The following TTC28 variants were observed in gnomAD, a reference collection of about 807,000 sequenced individuals.
TTC28 encodes the protein tetratricopeptide repeat domain 28, also known as tetratricopeptide repeat protein 28.
In TTC28, 61 loss-of-function variants were observed where a neutral mutation model predicts 198.0. The ratio of observed to expected loss-of-function variants is 0.31; its 90% CI spans 0.25 to 0.38. TTC28 has a LOEUF of 0.38. Ranked by LOEUF, TTC28 falls within the 10% of genes least tolerant of loss-of-function variation. The pLI, the probability that TTC28 is intolerant of heterozygous loss-of-function variation, is 1.00. For synonymous variants in TTC28, 1,171 were observed against 1,297.8 expected (o/e 0.90, Z 2.10); for missense variants, 2,678 against 3,164.0 (o/e 0.85, Z 3.69).
chr22:28,052,698 C>T (rs1282612574), intron 12 of TTC28, among the ~76,000 whole-genome samples: 2 of 152,114 alleles, frequency 1.3e-5, no homozygotes, highest in South Asian at 2.1e-4. Flanking sequence ...AATAATGTCT[C>T]GAGTGTTTTA....
intron 2 of TTC28, among the ~76,000 whole-genome samples, chr22:28,514,974 C>A (rs2048755443): frequency 6.6e-6 from 1 of 152,204 alleles, no homozygotes; most frequent in African/African-American, 2.4e-5. Flanking sequence ...AACTCTTTCA[C>A]TGCTGTTTTG....
intron 6 of TTC28, among the ~76,000 whole-genome samples, chr22:28,144,014 C>T (rs1943402530): frequency 6.6e-6 from 1 of 151,960 alleles, no homozygotes; most frequent in African/African-American, 2.4e-5. Flanking sequence ...AGGAAAAGAG[C>T]CTAGTGGTGC....
chr22:28,612,769 G>A (rs996513920), intron 2 of TTC28, among the ~76,000 whole-genome samples: 4 of 152,144 alleles, frequency 2.6e-5, no homozygotes, highest in Non-Finnish European at 4.4e-5. Flanking sequence ...AAATAAAGAT[G>A]TTCTTTGAAA....
rs562956880 is a variant in TTC28 at position 28,147,358 on chromosome 22, C to T, written c.1441+15734G>A. On this transcript the variant is annotated intron_variant, in intron 6 of 22. Transcript: ENST00000397906. ...CAGTGTATGAGCAGCCACGTTTCCA[C>T]CTTGCATTAGGTCTGTATGTGTGCT... Among the ~76,000 whole-genome samples the T allele has an allele frequency of 2.6e-4, 40 of 152,254 alleles. No individual in the cohort carries two copies. In the South Asian group the frequency reaches 8.1e-3, roughly 31 times the overall value.
At chr22:28,106,752 C>A (rs1467065645) in intron 7 of TTC28, among the ~76,000 whole-genome samples, 1 of 152,168 alleles carries the variant, frequency 6.6e-6, no homozygotes, top group African/African-American at 2.4e-5. Flanking sequence ...TATTATCCTT[C>A]TCATTCTAAT....
At chr22:28,657,429 A>T (rs2051676927) in intron 1 of TTC28, among the ~76,000 whole-genome samples, 1 of 152,212 alleles carries the variant, frequency 6.6e-6, no homozygotes. Context: ...CTGACAACAC[A>T]TTTCTGGTAC....
intron 5 of TTC28, among the ~76,000 whole-genome samples, chr22:28,273,051 A>G (rs1932190985): frequency 2.0e-5 from 3 of 152,234 alleles, no homozygotes; most frequent in Admixed American, 2.0e-4. Context: ...AAGCTGGGAC[A>G]ATTAAAGGAC....
intron 2 of TTC28, among the ~76,000 whole-genome samples, chr22:28,424,451 T>C (rs112690574): frequency 1.6e-4 from 24 of 152,304 alleles, no homozygotes; most frequent in African/African-American, 5.1e-4. Context: ...ACTTGGAACA[T>C]TGTATTATAA....
At chr22:28,461,160 T>C (rs2047944478) in intron 2 of TTC28, among the ~76,000 whole-genome samples, 1 of 152,206 alleles carries the variant, frequency 6.6e-6, no homozygotes, top group Non-Finnish European at 1.5e-5. Context: ...ATAGTTACCT[T>C]CTATTTTTCT....
intron 2 of TTC28, among the ~76,000 whole-genome samples, chr22:28,398,311 A>G (rs1421177689): frequency 6.6e-6 from 1 of 152,216 alleles, no homozygotes; most frequent in African/African-American, 2.4e-5. Context: ...CTGTGGATTA[A>G]ATACAGTAGC....
chr22:28,226,030 T>C (rs1928316145), intron 5 of TTC28, among the ~76,000 whole-genome samples: 1 of 152,274 alleles, frequency 6.6e-6, no homozygotes, highest in Admixed American at 6.5e-5. Flanking sequence ...ACTTTGTTTA[T>C]CCATTCACCT....
At chr22:28,287,253 A>T (rs1271464214) in intron 5 of TTC28, among the ~76,000 whole-genome samples, 2 of 152,208 alleles carry the variant, frequency 1.3e-5, no homozygotes, top group East Asian at 3.8e-4. Flanking sequence ...CAGTCTGATG[A>T]ATATAGAGTG....
chr22:28,487,844 A>C (rs2048330671), intron 2 of TTC28, among the ~76,000 whole-genome samples: 1 of 152,120 alleles, frequency 6.6e-6, no homozygotes, highest in Non-Finnish European at 1.5e-5. Flanking sequence ...AAACATACCT[A>C]CCTTTTATAA....
intron 5 of TTC28, among the ~76,000 whole-genome samples, chr22:28,196,783 G>C (rs1438239145): frequency 2.0e-5 from 3 of 152,180 alleles, no homozygotes; most frequent in South Asian, 2.1e-4. Context: ...AGGTGCTGGA[G>C]AGGATGTGGA....
intron 2 of TTC28, among the ~76,000 whole-genome samples, chr22:28,501,032 T>C (rs369218973): frequency 2.6e-5 from 4 of 152,294 alleles, no homozygotes; most frequent in East Asian, 3.9e-4. Context: ...TTTGAACATC[T>C]TGAACAATAT....
intron 2 of TTC28, among the ~76,000 whole-genome samples, chr22:28,309,242 T>C (rs536385723): frequency 5.3e-5 from 8 of 152,306 alleles, no homozygotes; most frequent in African/African-American, 1.9e-4. Flanking sequence ...CCAATAAATA[T>C]TTTAAATATT....
At chr22:28,677,345 T>C (rs2052013927) in intron 1 of TTC28, among the ~76,000 whole-genome samples, 1 of 151,580 alleles carries the variant, frequency 6.6e-6, no homozygotes, top group Non-Finnish European at 1.5e-5. Flanking sequence ...AAACCTCAAT[T>C]TCAAAATATC....
intron 2 of TTC28, among the ~76,000 whole-genome samples, chr22:28,396,380 T>C (rs547524302): frequency 2.6e-5 from 4 of 152,200 alleles, no homozygotes; most frequent in South Asian, 2.1e-4. Flanking sequence ...TGTCTGTTCA[T>C]ACTGGGCCAC....
At chr22:28,637,642 A>AGTAAG (rs1279866928) in intron 1 of TTC28, among the ~76,000 whole-genome samples, 1 of 152,222 alleles carries the variant, frequency 6.6e-6, no homozygotes, top group Non-Finnish European at 1.5e-5. Context: ...AAATGGCAAT[A>AGTAAG]GTAAGTCCTT....
Sources: gnomAD v4.1 joint callset for allele counts (sites outside exome capture counted in the v4.1 genomes callset) on GRCh38, gnomAD v4.1.1 for gene constraint, MANE v1.5 for transcripts, NCBI Gene and HGNC (gene_info 2026-07-23, HGNC 2026-07-21) for gene names.